WWOX: variants seen among roughly 807,000 people sequenced by gnomAD.
WWOX encodes WW domain containing oxidoreductase, also known as WW domain-containing oxidoreductase.
In WWOX, 69 loss-of-function variants were observed where a neutral mutation model predicts 46.2. The observed-to-expected ratio is 1.49, with a 90% CI of 1.23 to 1.82. The LOEUF (loss-of-function observed/expected upper bound fraction) is 1.82, where lower values mean the gene tolerates loss of function less well. WWOX is among the 40% of genes most tolerant of loss of function. The probability of loss-of-function intolerance (pLI) is 0.00; values close to 1 mark genes in which losing one functional copy is unlikely to be tolerated. For synonymous variants in WWOX, 359 were observed against 202.6 expected, an observed-to-expected ratio of 1.77 and a Z score of -6.56; for missense variants, 919 against 542.6, an observed-to-expected ratio of 1.69 and a Z score of -6.89.
At chr16:79,150,625 G>A (rs1026644682) in intron 8 of WWOX, among the ~76,000 whole-genome samples, 15 of 152,150 alleles carry the variant, frequency 9.9e-5, no homozygotes, top group African/African-American at 2.9e-4. Flanking sequence ...GGAGAGATTA[G>A]ATTAGAAATT....
chr16:78,272,453 C>T lies in WWOX; in HGVS notation c.516+108164C>T, dbSNP rs73572419. The stretch of plus-strand genomic sequence containing the variant: ...AAGCTGCCAGTTTCTTATGGCCTGG[C>T]TTAGGGGTTGGCACAGCATGACTGC... On this transcript the variant is annotated intron_variant, in intron 5 of 8. Coordinates refer to ENST00000566780, the MANE Select transcript of WWOX (RefSeq NM_016373.4). Among the ~76,000 whole-genome samples the T allele has an allele frequency of 3.8e-3, 584 of 152,274 alleles. 2 individuals are homozygous for T. The highest frequency in any genetic ancestry group is 0.013 in the African/African-American group (549 of 41,546).
Position 78,965,813 on chromosome 16 carries a change from T to A in WWOX, c.1057-245795T>A, listed in dbSNP as rs891268134. ...TGATGTTATAATATCTAGAGGCTTA[T>A]TGATTATTTGTTTGATTCTATTGTG... On this transcript the variant is annotated intron_variant, in intron 8 of 8. Coordinates refer to ENST00000566780, the MANE Select transcript of WWOX (RefSeq NM_016373.4). Among the ~76,000 whole-genome samples the A allele has an allele frequency of 2.0e-5, 3 of 152,322 alleles. No individual in the cohort carries two copies. In the South Asian group the frequency reaches 6.2e-4, roughly 32 times the overall value.
chr16:78,942,957 A>G (rs950873646), intron 8 of WWOX, among the ~76,000 whole-genome samples: 1 of 152,164 alleles, frequency 6.6e-6, no homozygotes, highest in Non-Finnish European at 1.5e-5. Context: ...TTGCAAGTAA[A>G]TAATGCAGCA....
At chr16:79,043,363 G>C (rs759542813) in intron 8 of WWOX, among the ~76,000 whole-genome samples, 1 of 152,170 alleles carries the variant, frequency 6.6e-6, no homozygotes, top group Non-Finnish European at 1.5e-5. Context: ...TTTTTCTGCA[G>C]GAAATTTTGA....
At chr16:78,162,970 T>C (rs1301030046) in intron 4 of WWOX, among the ~76,000 whole-genome samples, 1 of 152,192 alleles carries the variant, frequency 6.6e-6, no homozygotes, top group African/African-American at 2.4e-5. Flanking sequence ...TTTTATTGTT[T>C]CTAATTCCCT....
At chr16:79,067,625 TGGGGTGGGGGGCGGGG>T (rs1053954684) in intron 8 of WWOX, among the ~76,000 whole-genome samples, 1 of 35,280 alleles carries the variant, frequency 2.8e-5, no homozygotes, top group African/African-American at 1.2e-4. Flanking sequence ...TGCGTGTGGG[TGGGGTGGGGGGCGGGG>T]GGGGGCACTT....
At position 78,585,987 on chromosome 16, in the gene WWOX, A is replaced by G. The variant is rs544482691; in HGVS notation, c.1056+153235A>G. Among the ~76,000 whole-genome samples, 9 of 152,190 alleles carry G rather than the reference A, an allele frequency of 5.9e-5. No homozygotes were observed. The East Asian group carries it at 9.7e-4, about 16-fold the overall frequency. ...CGAGACTCGGGGATCCCTTGAGCCC[A>G]GGAGGTTAGAGACCAGCCTGGGCAA... On this transcript the variant is annotated intron_variant, in intron 8 of 8. Transcript: ENST00000566780.
In WWOX at chr16:79,097,752, T is replaced by C. The variant is rs557335914; in HGVS notation, c.1057-113856T>C. 2.0e-5 allele frequency among the ~76,000 whole-genome samples: 3 copies of C among 152,308 alleles called. No individual in the cohort carries two copies. In the South Asian group the frequency reaches 6.2e-4, roughly 32 times the overall value. On this transcript the variant is annotated intron_variant, in intron 8 of 8. Coordinates refer to ENST00000566780, the MANE Select transcript of WWOX (RefSeq NM_016373.4). Reference sequence around the variant, plus strand: ...GTCTTTTATTTAGGGAAGGCGATCATGTTGGCACAGGGCATAAGAGAGTAG... The same window carrying C: ...GTCTTTTATTTAGGGAAGGCGATCACGTTGGCACAGGGCATAAGAGAGTAG...
intron 8 of WWOX, among the ~76,000 whole-genome samples, chr16:79,032,772 ATATTT>A (rs2047790320): frequency 6.6e-6 from 1 of 151,522 alleles, no homozygotes; most frequent in Admixed American, 6.6e-5. Context: ...TAAAAAATTT[ATATTT>A]TATTTTAAGT....
intron 8 of WWOX, among the ~76,000 whole-genome samples, chr16:78,932,018 G>T (rs1177105460): frequency 6.6e-6 from 1 of 152,208 alleles, no homozygotes. Flanking sequence ...CTCCACATTG[G>T]CCTTCTGCCG....
intron 8 of WWOX, among the ~76,000 whole-genome samples, chr16:78,575,052 T>C (rs866771544): frequency 2.2e-4 from 3 of 13,354 alleles, no homozygotes; most frequent in African/African-American, 6.7e-4. Flanking sequence ...TATATATATA[T>C]ATATATATAT....
chr16:78,418,211 A>G (rs908395446), intron 6 of WWOX, among the ~76,000 whole-genome samples: 1 of 151,874 alleles, frequency 6.6e-6, no homozygotes, highest in Non-Finnish European at 1.5e-5. Flanking sequence ...ATACAAAAAC[A>G]AGATTAGTGG....
At chr16:78,976,761 C>G (rs547482532) in intron 8 of WWOX, among the ~76,000 whole-genome samples, 7 of 152,326 alleles carry the variant, frequency 4.6e-5, no homozygotes, top group Middle Eastern at 3.4e-3. Flanking sequence ...TTTACTGCAA[C>G]TACCGTTTAA....
intron 6 of WWOX, among the ~76,000 whole-genome samples, chr16:78,406,062 G>A (rs1476784635): frequency 6.6e-6 from 1 of 151,920 alleles, no homozygotes; most frequent in Admixed American, 6.6e-5. Flanking sequence ...TGTCTCACGT[G>A]AAAGTAAATC....
chr16:78,950,560 ACACACG>A (rs2046040163), intron 8 of WWOX, among the ~76,000 whole-genome samples: 1 of 149,806 alleles, frequency 6.7e-6, no homozygotes, highest in African/African-American at 2.4e-5. Context: ...ACACACACAC[ACACACG>A]TTTCTGGTAT....
At chr16:78,968,468 A>G (rs201144230) in intron 8 of WWOX, among the ~76,000 whole-genome samples, 2 of 152,190 alleles carry the variant, frequency 1.3e-5, no homozygotes, top group East Asian at 3.9e-4. Flanking sequence ...GCAAAATGAG[A>G]TGGCAGTCTT....
chr16:79,034,694 G>A (rs771469116), intron 8 of WWOX, among the ~76,000 whole-genome samples: 41 of 150,018 alleles, frequency 2.7e-4, no homozygotes, highest in Non-Finnish European at 5.2e-4. Flanking sequence ...TTTTTTCAAA[G>A]CACTTAATTA....
At chr16:78,921,747 G>A (rs1051867879) in intron 8 of WWOX, among the ~76,000 whole-genome samples, 1 of 152,198 alleles carries the variant, frequency 6.6e-6, no homozygotes, top group African/African-American at 2.4e-5. Flanking sequence ...ACTGTGAGGA[G>A]TAAGGGGTAA....
chr16:79,190,479 C>T (rs148874796), intron 8 of WWOX, among the ~76,000 whole-genome samples: 22 of 152,288 alleles, frequency 1.4e-4, no homozygotes, highest in South Asian at 6.2e-4. Flanking sequence ...GGCCTTACCC[C>T]GCTACAGAGA....
Sources: allele counts gnomAD v4.1 joint callset (sites outside exome capture counted in the v4.1 genomes callset), GRCh38; gene constraint gnomAD v4.1.1; transcripts MANE v1.5; gene names NCBI Gene and HGNC (gene_info 2026-07-23, HGNC 2026-07-21).